RASSF2: variants seen among roughly 807,000 people sequenced by gnomAD.
RASSF2 encodes the protein ras association domain-containing protein 2.
A neutral mutation model predicts 46.3 loss-of-function variants in RASSF2; 34 were observed. The observed-to-expected ratio is 0.73, with a 90% CI of 0.56 to 0.98. RASSF2 has a LOEUF of 0.98. Ranked by LOEUF, RASSF2 falls within the 50% of genes least tolerant of loss-of-function variation. The pLI is 0.00. For missense variants in RASSF2, 364 were observed against 431.2 expected (o/e 0.84, Z 1.38); for synonymous variants, 158 against 162.5 (o/e 0.97, Z 0.21).
chr20:4,822,558 T>G (rs1354008655), intron 1 of RASSF2, among the ~76,000 whole-genome samples, 155 bp from the exon 2 acceptor site: 1 of 152,244 alleles, frequency 6.6e-6, no homozygotes, highest in Non-Finnish European at 1.5e-5. Context: ...CACTCTCGGC[T>G]GTCCCCAGAG....
At position 4,821,494 on chromosome 20, in the gene RASSF2, G is replaced by C. The variant is rs540850173; in HGVS notation, c.-33+835C>G. ...CTCCTCTCAGCCAGGCTCCTCAAAG[G>C]GGCCATCACCATTCCAACCCAATTT... On this transcript the variant is annotated intron_variant, in intron 2 of 11. Transcript: ENST00000379400. Among the ~76,000 whole-genome samples, 6 of 152,224 alleles carry C rather than the reference G, an allele frequency of 3.9e-5. No homozygotes were observed. In the East Asian group the frequency reaches 1.2e-3, roughly 29 times the overall value.
rs1924753409 is a variant in RASSF2, at chr20:4,780,950, C to G, written c.*3323G>C. On this transcript the variant is annotated 3_prime_UTR_variant, in exon 12 of 12. Transcript: ENST00000379400. ...CACCACTGCACTCCAGCCTGGGAAA[C>G]AGAACCAGACTCTGTCTCAAAAAAA... 6.7e-6 allele frequency: 1 copy of G among 148,468 alleles called. No individual in the cohort carries two copies. The highest frequency in any genetic ancestry group is 1.5e-5 in the Non-Finnish European group (1 of 67,596). 9.2% of individuals were successfully genotyped at this position (148,468 alleles called of 1,614,324 possible).
chr20:4,794,459 C>T (rs1033210940), intron 5 of RASSF2, among the ~76,000 whole-genome samples: 1 of 152,032 alleles, frequency 6.6e-6, no homozygotes, highest in Admixed American at 6.6e-5. Flanking sequence ...ATCCCAGCTA[C>T]TCAGGAGGCT....
intron 3 of RASSF2, among the ~76,000 whole-genome samples, chr20:4,799,847 C>T (rs953281422): frequency 4.6e-5 from 7 of 152,242 alleles, no homozygotes; most frequent in Non-Finnish European, 7.3e-5. Context: ...TGTGGTGGCT[C>T]ACGCCTGTAA....
At chr20:4,792,187 C>G (rs776436711) in intron 6 of RASSF2, among the ~76,000 whole-genome samples, 3 of 146,312 alleles carry the variant, frequency 2.1e-5, no homozygotes, top group Non-Finnish European at 3.0e-5. Context: ...GGAAGCAGAG[C>G]CAAGATTGCA....
chr20:4,815,444 T>A (rs1327682379), intron 2 of RASSF2, among the ~76,000 whole-genome samples: 1 of 151,396 alleles, frequency 6.6e-6, no homozygotes, highest in Non-Finnish European at 1.5e-5. Flanking sequence ...CCAGTTAAAG[T>A]CCCCCCTGCA....
rs1216415833 is a variant in RASSF2, at chr20:4,790,222, C to A, written c.537+229G>T. On this transcript the variant is annotated intron_variant, in intron 7 of 11. Transcript: ENST00000379400. This position sits in a 1 kb window ranked among gnomAD's most constrained non-coding sequence, Gnocchi z 4.3. ...CTTTGTACAGCCCCACTGAATTCAC[C>A]CACCACCTTAAGGGGAACCCACAGG... 1.3e-5 allele frequency among the ~76,000 whole-genome samples: 2 copies of A among 152,210 alleles called. No individual in the cohort carries two copies. The highest frequency in any genetic ancestry group is 3.9e-4 in the East Asian group (2 of 5,188).
rs1422597862 is a variant in RASSF2, at chr20:4,781,433, C to T, written c.*2840G>A. Reference sequence around the variant, plus strand: ...AGATGGGTGACTAATATCCAGAAATCCTCTTGCCTCAACTCAACTCCAAGT... The same window carrying T: ...AGATGGGTGACTAATATCCAGAAATTCTCTTGCCTCAACTCAACTCCAAGT... On this transcript the variant is annotated 3_prime_UTR_variant, in exon 12 of 12. Transcript: ENST00000379400. The T allele has an allele frequency of 6.6e-6, 1 of 152,172 alleles. No homozygotes were observed. Among genetic ancestry groups the T allele is most frequent in the Non-Finnish European group, 1.5e-5 (1 of 68,038 alleles). 9.4% of individuals were successfully genotyped at this position (152,172 alleles called of 1,614,324 possible). A position where few individuals can be genotyped will look rare whatever the true frequency, so the allele number is the denominator to read the frequency against.
chr20:4,786,359 GC>G, intron 10 of RASSF2, 31 bp from the exon 11 acceptor site: 2 of 1,468,736 alleles, frequency 1.4e-6, no homozygotes, highest in Non-Finnish European at 1.9e-6. Context: ...CTGGGTGAAT[GC>G]CCTTCCCAGC....
At chr20:4,802,910 ATATAT>A (rs1304067393) in intron 2 of RASSF2, among the ~76,000 whole-genome samples, 16 of 64,672 alleles carry the variant, frequency 2.5e-4, no homozygotes, top group Admixed American at 7.7e-4. Flanking sequence ...ATATATATAT[ATATAT>A]TTTTTTTTTT....
chr20:4,800,947 A>C (rs1051446872), intron 3 of RASSF2, 25 bp downstream of exon 3: 2 of 1,593,528 alleles, frequency 1.3e-6, no homozygotes, highest in Non-Finnish European at 1.7e-6. Context: ...CACTGAGGAC[A>C]AAACACTCCA....
chr20:4,811,770 A>C (rs2423032), intron 2 of RASSF2, among the ~76,000 whole-genome samples: 57,926 of 151,770 alleles, frequency 0.38, 11,262 homozygotes, highest in Admixed American at 0.49. Context: ...CCCAGGCCCC[A>C]AGTCTGATGC....
rs200654692 is a variant in RASSF2 at position 4,790,631 on chromosome 20, T to A, written c.377-20A>T. 1.2e-4 allele frequency: 185 copies of A among 1,512,820 alleles called. No homozygotes were observed. In the Admixed American group the frequency reaches 5.0e-3, roughly 41 times the overall value. 93.7% of individuals were successfully genotyped at this position (1,512,820 alleles called of 1,614,324 possible). ...TGGAGTCTGAGAGAGGAGAGGGAAA[T>A]GAACTCTGTCTGTCTGGACCTGGGA... is the stretch of plus-strand genomic sequence containing the variant. On this transcript the variant is annotated intron_variant, in intron 6 of 11. Transcript: ENST00000379400. This position sits in a 1 kb window ranked among gnomAD's most constrained non-coding sequence, Gnocchi z 4.3.
intron 2 of RASSF2, among the ~76,000 whole-genome samples, chr20:4,816,998 G>A (rs1201970067): frequency 2.0e-5 from 3 of 152,108 alleles, no homozygotes; most frequent in African/African-American, 4.8e-5. Context: ...CCAGCTACTC[G>A]GGAGGCTGAG....
At chr20:4,788,365 T>C (rs758227679) in intron 8 of RASSF2, 97 bp from the exon 9 acceptor site, 4 of 1,145,610 alleles carry the variant, frequency 3.5e-6, no homozygotes, top group Non-Finnish European at 5.2e-6. Flanking sequence ...GCTAAGTCAA[T>C]TTTAGGCTGT....
intron 2 of RASSF2, among the ~76,000 whole-genome samples, chr20:4,807,031 C>T (rs6084897): frequency 0.29 from 43,806 of 152,046 alleles, 7,197 homozygotes; most frequent in African/African-American, 0.44. Flanking sequence ...TTAAAACTAT[C>T]TGGTTCTACA....
intron 2 of RASSF2, among the ~76,000 whole-genome samples, chr20:4,805,210 G>A (rs571927104): frequency 7.2e-5 from 11 of 152,156 alleles, no homozygotes; most frequent in Non-Finnish European, 7.4e-5. Context: ...TTAAATGAAG[G>A]ATCTTGAAAC....
intron 2 of RASSF2, among the ~76,000 whole-genome samples, chr20:4,813,947 G>A (rs747611898): frequency 2.0e-5 from 3 of 152,142 alleles, no homozygotes; most frequent in Non-Finnish European, 4.4e-5. Flanking sequence ...ATAGTCCCTC[G>A]TGGGCTCCAG....
intron 2 of RASSF2, among the ~76,000 whole-genome samples, chr20:4,804,668 C>T (rs761505295): frequency 9.9e-5 from 15 of 152,144 alleles, no homozygotes; most frequent in Non-Finnish European, 1.8e-4. Flanking sequence ...GACAATTACC[C>T]GTAACTAGTC....
Sources: allele counts gnomAD v4.1 joint callset (sites outside exome capture counted in the v4.1 genomes callset), GRCh38; gene constraint gnomAD v4.1.1; non-coding constraint Gnocchi (gnomAD v3.1); transcripts MANE v1.5; gene names NCBI Gene and HGNC (gene_info 2026-07-23, HGNC 2026-07-21).